The following CTNNA3 variants were observed in gnomAD, a reference collection of about 807,000 sequenced individuals.
CTNNA3 encodes catenin alpha-3.
In CTNNA3, 76 loss-of-function variants were observed where a neutral mutation model predicts 95.7. The observed-to-expected ratio is 0.79, with a 90% CI of 0.66 to 0.96. The LOEUF (loss-of-function observed/expected upper bound fraction) is 0.96, where lower values mean the gene tolerates loss of function less well. CTNNA3 is among the 40% of genes least tolerant of loss of function. CTNNA3 has a pLI of 0.00. For synonymous variants in CTNNA3, 431 were observed against 374.4 expected, an observed-to-expected ratio of 1.15 and a Z score of -1.74; for missense variants, 1,191 against 1,089.8, an observed-to-expected ratio of 1.09 and a Z score of -1.31.
chr10:67,200,926 G>A (rs1863614766), intron 6 of CTNNA3, among the ~76,000 whole-genome samples: 1 of 152,274 alleles, frequency 6.6e-6, no homozygotes, highest in South Asian at 2.1e-4. Context: ...AGTTTGATGT[G>A]TCTCAGTATG....
intron 5 of CTNNA3, among the ~76,000 whole-genome samples, chr10:67,296,020 A>C (rs767704355): frequency 1.3e-5 from 2 of 152,122 alleles, no homozygotes; most frequent in African/African-American, 4.8e-5. Context: ...AGATATCATG[A>C]ATTTTTCAGG....
intron 7 of CTNNA3, among the ~76,000 whole-genome samples, chr10:67,141,312 T>TC (rs1448256360): frequency 1.1e-4 from 17 of 152,012 alleles, no homozygotes; most frequent in Admixed American, 9.2e-4. Context: ...GATTTTTTTT[T>TC]TACAAGCAAG....
intron 5 of CTNNA3, among the ~76,000 whole-genome samples, chr10:67,307,390 G>A (rs529324841): frequency 6.6e-6 from 1 of 152,258 alleles, no homozygotes; most frequent in Non-Finnish European, 1.5e-5. Context: ...GTCATATACT[G>A]AGTTCCAACA....
chr10:66,514,811 T>G (rs1840781408), intron 11 of CTNNA3, among the ~76,000 whole-genome samples: 1 of 152,186 alleles, frequency 6.6e-6, no homozygotes, highest in African/African-American at 2.4e-5. Flanking sequence ...GTCCAAATCA[T>G]TCATCCCTTC....
intron 9 of CTNNA3, among the ~76,000 whole-genome samples, chr10:66,670,062 C>T (rs1175112819): frequency 6.6e-6 from 1 of 152,066 alleles, no homozygotes. Context: ...ATAGAAATCT[C>T]CCTTTCCCTA....
intron 7 of CTNNA3, among the ~76,000 whole-genome samples, chr10:67,020,338 G>T (rs960775716): frequency 6.6e-6 from 1 of 151,922 alleles, no homozygotes; most frequent in Non-Finnish European, 1.5e-5. Context: ...AGAGCACAAG[G>T]GCTTCTTTAT....
chr10:66,749,533 G>A (rs1244312514), intron 9 of CTNNA3, among the ~76,000 whole-genome samples: 1 of 152,030 alleles, frequency 6.6e-6, no homozygotes, highest in East Asian at 1.9e-4. Flanking sequence ...GTCTTTTCAT[G>A]GCTTGGTAGC....
chr10:66,912,894 CA>C (rs11354491), intron 7 of CTNNA3, among the ~76,000 whole-genome samples: 12,756 of 152,086 alleles, frequency 0.084, 639 homozygotes, highest in African/African-American at 0.14. Flanking sequence ...AAGGAAGCCA[CA>C]AGTAAATACA....
At chr10:66,961,706 T>C (rs1849116710) in intron 7 of CTNNA3, among the ~76,000 whole-genome samples, 1 of 152,170 alleles carries the variant, frequency 6.6e-6, no homozygotes, top group South Asian at 2.1e-4. Context: ...CTATTATCTA[T>C]ACAATATTTG....
At chr10:66,688,753 C>T (rs957639162) in intron 9 of CTNNA3, among the ~76,000 whole-genome samples, 10 of 151,982 alleles carry the variant, frequency 6.6e-5, no homozygotes, top group East Asian at 3.9e-4. Context: ...AGGTGGATCA[C>T]GAGGTCAGGA....
At chr10:67,197,804 T>A (rs1286440404) in intron 6 of CTNNA3, among the ~76,000 whole-genome samples, 1 of 152,124 alleles carries the variant, frequency 6.6e-6, no homozygotes, top group Non-Finnish European at 1.5e-5. Context: ...TCCAGTTAAC[T>A]AGGGCTTAAG....
At chr10:66,996,808 T>G (rs1851379127) in intron 7 of CTNNA3, among the ~76,000 whole-genome samples, 1 of 152,098 alleles carries the variant, frequency 6.6e-6, no homozygotes, top group South Asian at 2.1e-4. Context: ...TTTGAAATTT[T>G]GCTCTACAAT....
At chr10:66,917,248 C>G (rs533660989) in intron 7 of CTNNA3, among the ~76,000 whole-genome samples, 1 of 152,100 alleles carries the variant, frequency 6.6e-6, no homozygotes, top group Non-Finnish European at 1.5e-5. Context: ...CTACCCGGGA[C>G]TAAGTAAATT....
chr10:66,986,513 A>C (rs545948135), intron 7 of CTNNA3, among the ~76,000 whole-genome samples: 32 of 129,348 alleles, frequency 2.5e-4, no homozygotes, highest in African/African-American at 8.1e-4. Flanking sequence ...CTAAACTAAA[A>C]TAAAATAAAG....
intron 7 of CTNNA3, among the ~76,000 whole-genome samples, chr10:66,937,806 CCAGT>C (rs1180613696): frequency 6.6e-6 from 1 of 152,136 alleles, no homozygotes; most frequent in South Asian, 2.1e-4. Context: ...CCCAAGTCCT[CCAGT>C]CAATTTCTGA....
Position 66,129,719 on chromosome 10 carries a change from C to T in CTNNA3, c.1885-26470G>A, listed in dbSNP as rs2082997885. On this transcript the variant is annotated intron_variant, in intron 13 of 17. Coordinates refer to ENST00000433211, the MANE Select transcript of CTNNA3 (RefSeq NM_013266.4). ...ATAGCTCCTGCTCTTGTGGACTGCACCTGATAAGCAGAGTGCTCCTGCAGA... is the reference window on the plus strand; with the variant it reads ...ATAGCTCCTGCTCTTGTGGACTGCATCTGATAAGCAGAGTGCTCCTGCAGA... Among the ~76,000 whole-genome samples, 7 of 152,012 alleles carry T rather than the reference C, an allele frequency of 4.6e-5. No individual in the cohort carries two copies. In the South Asian group the frequency reaches 1.2e-3, roughly 27 times the overall value.
intron 5 of CTNNA3, among the ~76,000 whole-genome samples, chr10:67,356,712 A>G (rs1174777618): frequency 6.6e-6 from 1 of 151,952 alleles, no homozygotes; most frequent in Non-Finnish European, 1.5e-5. Context: ...GCTGTATTTT[A>G]CCTCCTTCTG....
chr10:67,150,133 T>G (rs1175130373), intron 7 of CTNNA3, among the ~76,000 whole-genome samples: 1 of 152,170 alleles, frequency 6.6e-6, no homozygotes, highest in Non-Finnish European at 1.5e-5. Context: ...TTAATGTTAC[T>G]TAATCTAAGG....
chr10:65,969,660 G>A (rs1293800022), intron 16 of CTNNA3, among the ~76,000 whole-genome samples: 2 of 152,120 alleles, frequency 1.3e-5, no homozygotes, highest in African/African-American at 4.8e-5. Flanking sequence ...GGACTAAGTA[G>A]AGGAAAGAAT....
Sources: allele counts gnomAD v4.1 joint callset (sites outside exome capture counted in the v4.1 genomes callset), GRCh38; gene constraint gnomAD v4.1.1; transcripts MANE v1.5; gene names NCBI Gene and HGNC (gene_info 2026-07-23, HGNC 2026-07-21).